Variants in KCND2 observed in about 807,000 individuals in gnomAD.
The protein encoded by KCND2 is A-type voltage-gated potassium channel KCND2.
Under a neutral mutation model 54.4 loss-of-function variants are expected in KCND2, and 16 were observed. The observed-to-expected ratio is 0.29, with a 90% CI of 0.20 to 0.45. The LOEUF is 0.45. Among genes scored for constraint, KCND2 ranks in the 20% least tolerant of loss-of-function variants. The probability of loss-of-function intolerance (pLI) is 1.00; values close to 1 mark genes in which losing one functional copy is unlikely to be tolerated. For missense variants in KCND2, 486 were observed against 824.2 expected (o/e 0.59, Z 5.02); for synonymous variants, 317 against 310.7 (o/e 1.02, Z -0.21).
At chr7:120,549,984 G>T (rs1001008901) in intron 1 of KCND2, among the ~76,000 whole-genome samples, 17 of 152,120 alleles carry the variant, frequency 1.1e-4, no homozygotes, top group African/African-American at 4.1e-4. Flanking sequence ...AAGGAGAGTT[G>T]GGAAGAATAG....
chr7:120,475,339 A>T (rs1379391413), intron 1 of KCND2, among the ~76,000 whole-genome samples: 2 of 152,216 alleles, frequency 1.3e-5, no homozygotes, highest in Non-Finnish European at 2.9e-5. Context: ...TACCATGCAC[A>T]TTGTACTTTT....
intron 1 of KCND2, among the ~76,000 whole-genome samples, chr7:120,516,704 A>G (rs570427114): frequency 6.6e-6 from 1 of 152,256 alleles, no homozygotes; most frequent in Non-Finnish European, 1.5e-5. Context: ...AATTTCCTGA[A>G]TTTAATTTGA....
intron 1 of KCND2, among the ~76,000 whole-genome samples, chr7:120,502,469 TG>T (rs1802950850): frequency 6.6e-6 from 1 of 152,048 alleles, no homozygotes; most frequent in South Asian, 2.1e-4. Flanking sequence ...TATGAGAGAC[TG>T]GGGACTGTCA....
chr7:120,333,709 C>A (rs1466321168), intron 1 of KCND2, among the ~76,000 whole-genome samples: 1 of 151,906 alleles, frequency 6.6e-6, no homozygotes, highest in African/African-American at 2.4e-5. Context: ...TTATTTTGAT[C>A]AAAACAGATA....
At position 120,611,909 on chromosome 7, in the gene KCND2, C is replaced by A. The variant is rs1199056026; in HGVS notation, c.1116-120994C>A. 2.6e-5 allele frequency among the ~76,000 whole-genome samples: 4 copies of A among 152,170 alleles called. No individual in the cohort carries two copies. In the East Asian group the frequency reaches 5.8e-4, roughly 22 times the overall value. ...ATCTTTGGCTCATGGTGTTTAGACT[C>A]CACGGGTAGTACTCTGTAGTAATAG... is the stretch of plus-strand genomic sequence containing the variant. On this transcript the variant is annotated intron_variant, in intron 1 of 5. Coordinates refer to ENST00000331113, the MANE Select transcript of KCND2 (RefSeq NM_012281.3).
chr7:120,743,508 T>A (rs946484927), intron 4 of KCND2, among the ~76,000 whole-genome samples: 5 of 152,080 alleles, frequency 3.3e-5, no homozygotes, highest in African/African-American at 4.8e-5. Flanking sequence ...GGGCTGTTAC[T>A]GGAAAAGAGC....
At chr7:120,476,044 A>C (rs1174211877) in intron 1 of KCND2, among the ~76,000 whole-genome samples, 2 of 152,328 alleles carry the variant, frequency 1.3e-5, no homozygotes, top group East Asian at 3.9e-4. Flanking sequence ...AGGTTTTAAC[A>C]TGTAGTTACT....
chr7:120,651,034 G>T lies in KCND2; in HGVS notation c.1116-81869G>T, dbSNP rs527689538. On this transcript the variant is annotated intron_variant, in intron 1 of 5. Transcript: ENST00000331113. ...GTGTCAGTCTGCCCCTACTTGGGGG[G>T]TGCCTCCCAGTTAGGCTACTTGGGT... Among the ~76,000 whole-genome samples, 25 of 143,292 alleles carry T rather than the reference G, an allele frequency of 1.7e-4. 4 individuals carry two copies. Among genetic ancestry groups the T allele is most frequent in the Non-Finnish European group, 3.5e-4 (23 of 65,946 alleles). 94.0% of individuals were successfully genotyped at this position (143,292 alleles called of 152,430 possible). A position where few individuals can be genotyped will look rare whatever the true frequency, so the allele number is the denominator to read the frequency against.
intron 1 of KCND2, among the ~76,000 whole-genome samples, chr7:120,718,020 C>A (rs528104923): frequency 7.9e-4 from 120 of 152,180 alleles, no homozygotes; most frequent in African/African-American, 2.8e-3. Flanking sequence ...GCAACCAGGG[C>A]AGTCAGCTCA....
At chr7:120,742,445 G>A (rs1792953601) in intron 3 of KCND2, 65 bp from the exon 4 acceptor site, 3 of 1,264,510 alleles carry the variant, frequency 2.4e-6, no homozygotes, top group African/African-American at 2.9e-5. Context: ...GTGGAAATAT[G>A]TAGCCGAGGT....
chr7:120,708,654 G>A (rs1175886840), intron 1 of KCND2, among the ~76,000 whole-genome samples: 1 of 151,980 alleles, frequency 6.6e-6, no homozygotes, highest in Non-Finnish European at 1.5e-5. Flanking sequence ...ACAGGCATTT[G>A]TATTTCTTCC....
chr7:120,638,864 T>A (rs910367135), intron 1 of KCND2, among the ~76,000 whole-genome samples: 1 of 152,096 alleles, frequency 6.6e-6, no homozygotes, highest in Non-Finnish European at 1.5e-5. Context: ...TTACACCTAT[T>A]GTTGATAGAG....
intron 1 of KCND2, among the ~76,000 whole-genome samples, chr7:120,718,380 C>T (rs1792628589): frequency 6.6e-6 from 1 of 152,108 alleles, no homozygotes; most frequent in African/African-American, 2.4e-5. Flanking sequence ...CTACTGCTTA[C>T]AGGCTTAGAA....
intron 1 of KCND2, among the ~76,000 whole-genome samples, chr7:120,697,962 A>G (rs1792351623): frequency 6.8e-6 from 1 of 146,180 alleles, no homozygotes; most frequent in Admixed American, 6.8e-5. Context: ...AGGAAAATTT[A>G]TTTATATTAA....
intron 1 of KCND2, among the ~76,000 whole-genome samples, chr7:120,483,873 G>A (rs992014084): frequency 1.3e-5 from 2 of 152,166 alleles, no homozygotes; most frequent in South Asian, 4.1e-4. Context: ...TGACCAGAAA[G>A]AGAAGCATGG....
chr7:120,374,791 G>T (rs768144152), intron 1 of KCND2, among the ~76,000 whole-genome samples: 3 of 151,736 alleles, frequency 2.0e-5, no homozygotes, highest in Admixed American at 2.0e-4. Context: ...GGATCATTGC[G>T]TTTCTTCTGC....
At chr7:120,615,069 A>G (rs1793006433) in intron 1 of KCND2, among the ~76,000 whole-genome samples, 1 of 152,156 alleles carries the variant, frequency 6.6e-6, no homozygotes, top group Non-Finnish European at 1.5e-5. Flanking sequence ...GACCCTGAAA[A>G]CCTGAGTGAT....
chr7:120,444,113 C>A (rs1801985140), intron 1 of KCND2, among the ~76,000 whole-genome samples: 1 of 152,088 alleles, frequency 6.6e-6, no homozygotes, highest in African/African-American at 2.4e-5. Context: ...TTTCTTCTTC[C>A]TGAATGGCAA....
At chr7:120,436,313 A>G (rs1801865324) in intron 1 of KCND2, among the ~76,000 whole-genome samples, 1 of 152,228 alleles carries the variant, frequency 6.6e-6, no homozygotes, top group Non-Finnish European at 1.5e-5. Flanking sequence ...TAATCCGTAA[A>G]TAAAACAATG....
Sources: gnomAD v4.1 joint callset for allele counts (sites outside exome capture counted in the v4.1 genomes callset) on GRCh38, gnomAD v4.1.1 for gene constraint, MANE v1.5 for transcripts, NCBI Gene and HGNC (gene_info 2026-07-23, HGNC 2026-07-21) for gene names.